The following SYT1 variants were observed in gnomAD, a reference collection of about 807,000 sequenced individuals.
SYT1 encodes the protein synaptotagmin 1.
SYT1 carries 8 observed loss-of-function variants against 44.8 expected under a neutral mutation model. The ratio of observed to expected loss-of-function variants is 0.18; its 90% CI spans 0.10 to 0.32. SYT1 has a LOEUF of 0.32. Among genes scored for constraint, SYT1 ranks in the 10% least tolerant of loss-of-function variants. The pLI, the probability that SYT1 is intolerant of heterozygous loss-of-function variation, is 1.00. For missense variants in SYT1, 286 were observed against 509.3 expected (o/e 0.56, Z 4.22); for synonymous variants, 154 against 188.8 (o/e 0.82, Z 1.51).
chr12:79,363,130 G>GA (rs1245281342), intron 9 of SYT1, among the ~76,000 whole-genome samples: 5 of 150,108 alleles, frequency 3.3e-5, no homozygotes, highest in East Asian at 1.9e-4. Flanking sequence ...TCAGTATACA[G>GA]AAAAAAAAAT....
chr12:79,435,569 C>T (rs142645745), intron 9 of SYT1, among the ~76,000 whole-genome samples: 1 of 152,122 alleles, frequency 6.6e-6, no homozygotes, highest in South Asian at 2.1e-4. Context: ...GTTAGGGACC[C>T]AGGATCTTCC....
In SYT1 at chr12:79,326,329, G is replaced by A. The variant is rs114830319; in HGVS notation, c.810+26778G>A. Among the ~76,000 whole-genome samples the A allele has an allele frequency of 9.7e-3, 1,471 of 152,256 alleles. 26 individuals are homozygous for A. Among genetic ancestry groups the A allele is most frequent in the Middle Eastern group, 0.034 (10 of 294 alleles). The stretch of plus-strand genomic sequence containing the variant: ...CGCCTTTGTGAGTTAAATTAATTTT[G>A]TTTTGTGCACTGGCCTGCATAAATG... On this transcript the variant is annotated intron_variant, in intron 8 of 10. Coordinates refer to ENST00000261205, the MANE Select transcript of SYT1 (RefSeq NM_005639.3).
intron 3 of SYT1, among the ~76,000 whole-genome samples, chr12:79,185,572 A>C (rs989005900): frequency 6.6e-6 from 1 of 152,058 alleles, no homozygotes; most frequent in African/African-American, 2.4e-5. Flanking sequence ...TATTAGAGAC[A>C]AAAGACAAAT....
intron 8 of SYT1, among the ~76,000 whole-genome samples, chr12:79,314,884 G>C (rs1014132904): frequency 6.6e-6 from 1 of 152,176 alleles, no homozygotes; most frequent in Admixed American, 6.5e-5. Context: ...TTACTTAGCT[G>C]TAAAAAGAAA....
intron 3 of SYT1, among the ~76,000 whole-genome samples, chr12:79,060,205 T>A (rs1875272504): frequency 6.6e-6 from 1 of 152,114 alleles, no homozygotes; most frequent in Non-Finnish European, 1.5e-5. Flanking sequence ...TCTGTTCCCT[T>A]ACTTTTTTTC....
chr12:79,068,102 A>T (rs1228478538), intron 3 of SYT1, among the ~76,000 whole-genome samples: 1 of 152,194 alleles, frequency 6.6e-6, no homozygotes, highest in East Asian at 1.9e-4. Context: ...ATTCAGGCCA[A>T]AAATGAACTT....
chr12:79,356,068 T>C (rs1163668114), intron 9 of SYT1, among the ~76,000 whole-genome samples: 1 of 151,468 alleles, frequency 6.6e-6, no homozygotes, highest in East Asian at 2.0e-4. Flanking sequence ...GTAGGTGGCA[T>C]TTCCGCAACA....
chr12:79,003,853 G>C (rs1443372540), intron 2 of SYT1, among the ~76,000 whole-genome samples: 1 of 151,796 alleles, frequency 6.6e-6, no homozygotes, highest in African/African-American at 2.4e-5. Context: ...TGGCAGGTTT[G>C]AATCATCACT....
At chr12:78,918,831 T>C (rs1459640089) in intron 1 of SYT1, among the ~76,000 whole-genome samples, 1 of 152,122 alleles carries the variant, frequency 6.6e-6, no homozygotes, top group East Asian at 1.9e-4. Flanking sequence ...TTATGTATGA[T>C]GATGGTAAAG....
intron 3 of SYT1, among the ~76,000 whole-genome samples, chr12:79,179,551 A>AGATATAGATATAGATATAGAGATATG (rs1565842608): frequency 7.4e-6 from 1 of 134,718 alleles, no homozygotes; most frequent in East Asian, 2.2e-4. Context: ...ATAGAGATAT[A>AGATATAGATATAGATATAGAGATATG]GATATAGATT....
chr12:79,279,227 A>G (rs1160691634), intron 4 of SYT1, among the ~76,000 whole-genome samples: 1 of 152,060 alleles, frequency 6.6e-6, no homozygotes, highest in South Asian at 2.1e-4. Flanking sequence ...TCCCTGATGA[A>G]CATAGATGCA....
intron 4 of SYT1, among the ~76,000 whole-genome samples, chr12:79,240,034 T>C (rs1430379960): frequency 6.6e-6 from 1 of 152,240 alleles, no homozygotes; most frequent in African/African-American, 2.4e-5. Context: ...TAATTACATC[T>C]GCAAAATCCT....
intron 3 of SYT1, among the ~76,000 whole-genome samples, chr12:79,124,240 A>G (rs1458891692): frequency 6.6e-6 from 1 of 152,214 alleles, no homozygotes; most frequent in African/African-American, 2.4e-5. Flanking sequence ...GCCATGGGAA[A>G]AAATTCTCCA....
intron 2 of SYT1, among the ~76,000 whole-genome samples, chr12:78,979,465 A>C (rs1248072671): frequency 6.6e-6 from 1 of 152,236 alleles, no homozygotes; most frequent in East Asian, 1.9e-4. Context: ...TAAAATATAC[A>C]TATTAGGTGA....
chr12:79,238,207 C>T (rs755177630), intron 4 of SYT1, among the ~76,000 whole-genome samples: 4 of 148,232 alleles, frequency 2.7e-5, no homozygotes, highest in African/African-American at 7.8e-5. Context: ...AAGCATGTGA[C>T]CCCGTTTTCT....
intron 9 of SYT1, among the ~76,000 whole-genome samples, chr12:79,423,620 T>A (rs1186750865): frequency 6.6e-6 from 1 of 152,164 alleles, no homozygotes; most frequent in Non-Finnish European, 1.5e-5. Flanking sequence ...TTCAAGGACT[T>A]AAACTGTGGA....
intron 4 of SYT1, among the ~76,000 whole-genome samples, chr12:79,229,139 C>G (rs1875708772): frequency 6.6e-6 from 1 of 152,234 alleles, no homozygotes; most frequent in Non-Finnish European, 1.5e-5. Flanking sequence ...CAGATCTCTT[C>G]TCGGCACTGT....
At chr12:78,921,745 C>T (rs969304646) in intron 1 of SYT1, among the ~76,000 whole-genome samples, 7 of 151,760 alleles carry the variant, frequency 4.6e-5, no homozygotes, top group African/African-American at 7.3e-5. Context: ...GTTCACATGG[C>T]GCTGCTGAGA....
At chr12:78,939,908 G>T (rs377357781) in intron 1 of SYT1, among the ~76,000 whole-genome samples, 1 of 152,084 alleles carries the variant, frequency 6.6e-6, no homozygotes, top group African/African-American at 2.4e-5. Context: ...CATTTTTAGT[G>T]TATCCTGTCT....
Sources: gnomAD v4.1 joint callset for allele counts (sites outside exome capture counted in the v4.1 genomes callset) on GRCh38, gnomAD v4.1.1 for gene constraint, MANE v1.5 for transcripts, NCBI Gene and HGNC (gene_info 2026-07-23, HGNC 2026-07-21) for gene names.